Variants in MYO19 observed in about 807,000 individuals in gnomAD.
The protein encoded by MYO19 is myosin XIX.
In MYO19, 132 loss-of-function variants were observed where a neutral mutation model predicts 129.2. That is an observed-to-expected ratio of 1.02 (90% CI 0.89 to 1.18). MYO19 has a LOEUF of 1.18. Ranked by LOEUF, MYO19 falls within the 50% of genes most tolerant of loss-of-function variation. The pLI is 0.00. For synonymous variants in MYO19, 531 were observed against 477.2 expected (o/e 1.11, Z -1.47); for missense variants, 1,210 against 1,216.7 (o/e 0.99, Z 0.08).
chr17:36,505,480 T>C, intron 18 of MYO19, 76 bp from the exon 19 acceptor site: 1 of 1,033,164 alleles, frequency 9.7e-7, no homozygotes, highest in East Asian at 2.4e-5. Context: ...GGTTAGTAAC[T>C]ACATCAAATG....
At position 36,505,418 on chromosome 17, in the gene MYO19, A is replaced by G; in HGVS notation, c.1798-14T>C. The G allele has an allele frequency of 6.2e-7, 1 of 1,609,804 alleles. No individual in the cohort carries two copies. The highest frequency in any genetic ancestry group is 8.5e-7 in the Non-Finnish European group (1 of 1,176,588). ...CTCCAGTGAGGCCTGCAGATGAGAG[A>G]CCATGGGGTTAGGCAGGGAGAGGGG... On this transcript the variant is annotated splice_polypyrimidine_tract_variant and intron_variant, in intron 18 of 25. Transcript: ENST00000614623.
rs562610054 is a variant in MYO19, at chr17:36,505,422, T to C, written c.1798-18A>G. 1.2e-6 allele frequency: 2 copies of C among 1,607,854 alleles called. No individual in the cohort carries two copies. The highest frequency in any genetic ancestry group is 1.1e-5 in the South Asian group (1 of 90,804). ...AGTGAGGCCTGCAGATGAGAGACCA[T>C]GGGGTTAGGCAGGGAGAGGGGCTGC... On this transcript the variant is annotated intron_variant, in intron 18 of 25. Coordinates refer to ENST00000614623, the MANE Select transcript of MYO19 (RefSeq NM_001163735.2).
In MYO19 at chr17:36,506,566, G is replaced by A; in HGVS notation, c.1687C>T (p.Gln563Ter). Residue 563 changes from glutamine to a stop codon, truncating the protein, a stop_gained, in exon 18 of 26, where the codon CAG becomes TAG. Transcript: ENST00000614623. LOFTEE classifies it high-confidence loss of function. ...AACAGCCCCATGAGCAGGGGGTCCT[G>A]GGATTGCTGCAGGAGCCTGGTCAGC... ...PELTRLLQQS[Q>*]DPLLMGLFPT... The A allele has an allele frequency of 6.4e-7, 1 of 1,571,114 alleles. No homozygotes were observed.
rs2072510969 is a variant in MYO19, at chr17:36,513,448, G to A, written c.875C>T (p.Thr292Ile). The change falls in exon 11 of 26, where the codon ACC becomes ATC. Residue 292 changes from threonine (T) to isoleucine (I), a missense_variant. Transcript: ENST00000614623. The part of the protein sequence containing the change: ...AMLHLGIDTP[T>I]QNNIFKVLAG... ...TCTGACCTTAAAGATGTTGTTCTGGGTAGGGGTGTCAATGCCCAAATGGAG... is the reference window on the plus strand; with the variant it reads ...TCTGACCTTAAAGATGTTGTTCTGGATAGGGGTGTCAATGCCCAAATGGAG... The A allele has an allele frequency of 1.9e-6, 3 of 1,613,914 alleles. No homozygotes were observed. Among genetic ancestry groups the A allele is most frequent in the South Asian group, 1.1e-5 (1 of 91,090 alleles).
chr17:36,537,121 A>G, upstream of MYO19: 1 of 1,593,404 alleles, frequency 6.3e-7, no homozygotes, highest in South Asian at 1.1e-5. Flanking sequence ...AAGCAGATGA[A>G]GGAAGCTTTT....
chr17:36,501,268 G>A, intron 21 of MYO19, 33 bp from the exon 22 acceptor site: 1 of 1,588,924 alleles, frequency 6.3e-7, no homozygotes, highest in Non-Finnish European at 8.6e-7. Context: ...TCAGTGCATG[G>A]TCATCTCTAC....
chr17:36,520,917 T>C (rs7220447), intron 6 of MYO19, among the ~76,000 whole-genome samples: 10,698 of 152,300 alleles, frequency 0.07, 630 homozygotes, highest in African/African-American at 0.16. Context: ...GGCAGACCAT[T>C]TGATATTGTA....
intron 9 of MYO19, among the ~76,000 whole-genome samples, chr17:36,514,163 TAA>T (rs1200516028): frequency 2.6e-5 from 4 of 152,158 alleles, no homozygotes; most frequent in African/African-American, 4.8e-5. Context: ...CTTAAAATGA[TAA>T]GAGTGACACG....
Position 36,514,953 on chromosome 17 carries a change from TGCAAAGA to T in MYO19, c.617+153_617+159del, listed in dbSNP as rs2072638292. On this transcript the variant is annotated intron_variant, in intron 8 of 25. Coordinates refer to ENST00000614623, the MANE Select transcript of MYO19 (RefSeq NM_001163735.2). ...GGGAGAGGAGCTATAGTTCTCCAGGTGCAAAGATCACCCTCAGAGCTCACACCTGAGG... is the reference window on the plus strand; with the variant it reads ...GGGAGAGGAGCTATAGTTCTCCAGGTTCACCCTCAGAGCTCACACCTGAGG... Among the ~76,000 whole-genome samples the T allele has an allele frequency of 4.6e-5, 7 of 152,176 alleles. 1 individual carries two copies. The South Asian group carries it at 1.5e-3, about 32-fold the overall frequency.
rs760524650 is a variant in MYO19, at chr17:36,507,920, C to T, written c.1236G>A (p.Leu412=). The T allele has an allele frequency of 9.2e-5, 148 of 1,602,724 alleles. No individual in the cohort carries two copies. The highest frequency in any genetic ancestry group is 1.2e-4 in the Non-Finnish European group (144 of 1,172,138). The part of the protein sequence containing the change: ...DTDSWTTFIG[L]LDVYGFESFP... Reference sequence around the variant, plus strand: ...ATGATTCAAATCCATACACATCCAGCAGGCCTGGGAAGATGGCAGAGAACC... The same window carrying T: ...ATGATTCAAATCCATACACATCCAGTAGGCCTGGGAAGATGGCAGAGAACC... Residue 412 remains leucine, a synonymous_variant, in exon 15 of 26, where the codon CTG becomes CTA. Transcript: ENST00000614623.
At chr17:36,505,856 G>A (rs1221174032) in intron 18 of MYO19, among the ~76,000 whole-genome samples, 1 of 152,220 alleles carries the variant, frequency 6.6e-6, no homozygotes, top group Non-Finnish European at 1.5e-5. Flanking sequence ...ACACATGTTG[G>A]ATGAACACCC....
At chr17:36,527,991 A>G in intron 4 of MYO19, 73 bp downstream of exon 4, 2 of 1,558,066 alleles carry the variant, frequency 1.3e-6, no homozygotes, top group East Asian at 4.5e-5. Flanking sequence ...GACCTGGAGA[A>G]GCTGTGCTGA....
chr17:36,527,135 C>T (rs1459388432), intron 5 of MYO19, among the ~76,000 whole-genome samples: 1 of 151,868 alleles, frequency 6.6e-6, no homozygotes, highest in East Asian at 1.9e-4. Context: ...CATTGCACTC[C>T]AGTCTGGGCA....
At chr17:36,500,799 A>G (rs2071463718) in intron 23 of MYO19, 31 bp downstream of exon 23, 1 of 1,582,992 alleles carries the variant, frequency 6.3e-7, no homozygotes, top group Non-Finnish European at 8.6e-7. Context: ...GGGGTCTGTG[A>G]GCAGTGCTGA....
rs756350687 is a variant in MYO19, at chr17:36,496,314, CTGAT to C, written c.2846_2849del (p.Asn949ArgfsTer9). ...TCAGCCTGTGTCTTTCCAGCAGAAT[CTGAT>C]TAAAGCCTGTAATGCTGTAGGGTGA... On this transcript the variant is annotated frameshift_variant, in exon 26 of 26. Coordinates refer to ENST00000614623, the MANE Select transcript of MYO19 (RefSeq NM_001163735.2). LOFTEE classifies it high-confidence loss of function. 2.5e-4 allele frequency: 403 copies of C among 1,613,892 alleles called. No homozygotes were observed. The highest frequency in any genetic ancestry group is 3.2e-4 in the Non-Finnish European group (379 of 1,179,902).
chr17:36,510,726 G>T lies in MYO19; in HGVS notation c.1157+20C>A. On this transcript the variant is annotated intron_variant, in intron 13 of 25. Coordinates refer to ENST00000614623, the MANE Select transcript of MYO19 (RefSeq NM_001163735.2). Reference sequence around the variant, plus strand: ...ACTTGTCGGGGTCCTCCCCAACAAGGGGCCAGAGTAACTGCTCACCGCGCA... The same window carrying T: ...ACTTGTCGGGGTCCTCCCCAACAAGTGGCCAGAGTAACTGCTCACCGCGCA... 1.3e-6 allele frequency: 2 copies of T among 1,576,796 alleles called. No homozygotes were observed. The highest frequency in any genetic ancestry group is 1.2e-5 in the South Asian group (1 of 86,766).
chr17:36,540,251 G>T (rs1599481378), intron 2 of MYO19, among the ~76,000 whole-genome samples: 1 of 152,076 alleles, frequency 6.6e-6, no homozygotes, highest in East Asian at 1.9e-4. Flanking sequence ...AATAGAGATG[G>T]GGTTGCCCAG....
intron 11 of MYO19, among the ~76,000 whole-genome samples, chr17:36,511,955 T>C (rs182557775): frequency 6.6e-6 from 1 of 152,296 alleles, no homozygotes; most frequent in East Asian, 1.9e-4. Context: ...CTGTGTCCGA[T>C]GGGTGCCCCT....
chr17:36,536,550 G>T (rs1255649989), upstream of MYO19, among the ~76,000 whole-genome samples: 1 of 124,416 alleles, frequency 8.0e-6, no homozygotes, highest in African/African-American at 2.8e-5. Context: ...TTTTGAGATG[G>T]AGTCTCACTC....
Sources: allele counts gnomAD v4.1 joint callset (sites outside exome capture counted in the v4.1 genomes callset), GRCh38; gene constraint gnomAD v4.1.1; transcripts MANE v1.5; gene names NCBI Gene and HGNC (gene_info 2026-07-23, HGNC 2026-07-21).